The following FAM171A1 variants were observed in gnomAD, a reference collection of about 807,000 sequenced individuals.
The protein encoded by FAM171A1 is family with sequence similarity 171 member A1, also known as protein FAM171A1.
In FAM171A1, 23 loss-of-function variants were observed where a neutral mutation model predicts 74.9. The ratio of observed to expected loss-of-function variants is 0.31; its 90% CI spans 0.22 to 0.44. FAM171A1 has a LOEUF of 0.44. Ranked by LOEUF, FAM171A1 falls within the 20% of genes least tolerant of loss-of-function variation. FAM171A1 has a pLI of 1.00. For missense variants in FAM171A1, 1,162 were observed against 1,159.2 expected (o/e 1.00, Z -0.03); for synonymous variants, 527 against 505.7 (o/e 1.04, Z -0.57).
At chr10:15,325,667 A>C (rs1253869300) in intron 1 of FAM171A1, among the ~76,000 whole-genome samples, 1 of 152,138 alleles carries the variant, frequency 6.6e-6, no homozygotes, top group Non-Finnish European at 1.5e-5. Flanking sequence ...AGTAGAATCA[A>C]GCTTTGATAT....
intron 1 of FAM171A1, among the ~76,000 whole-genome samples, chr10:15,317,479 C>T (rs1353478012): frequency 6.6e-6 from 1 of 152,130 alleles, no homozygotes; most frequent in Non-Finnish European, 1.5e-5. Flanking sequence ...TCTACGACCT[C>T]CACTTCCCAG....
chr10:15,294,316 G>A (rs1413383269), intron 1 of FAM171A1, among the ~76,000 whole-genome samples: 6 of 152,022 alleles, frequency 3.9e-5, no homozygotes, highest in African/African-American at 1.2e-4. Flanking sequence ...TCCTTCCACC[G>A]TGCACCTTCC....
intron 5 of FAM171A1, among the ~76,000 whole-genome samples, chr10:15,225,895 C>T (rs1185656722): frequency 6.6e-6 from 1 of 152,146 alleles, no homozygotes; most frequent in East Asian, 1.9e-4. Flanking sequence ...GCCCAGAGGG[C>T]TCTCCTTCTT....
At chr10:15,362,339 T>C (rs1836004349) in intron 1 of FAM171A1, among the ~76,000 whole-genome samples, 2 of 152,254 alleles carry the variant, frequency 1.3e-5, no homozygotes, top group African/African-American at 4.8e-5. Flanking sequence ...TCCTGAGTGA[T>C]GGAATACACA....
chr10:15,340,576 G>T (rs1471440985), intron 1 of FAM171A1, among the ~76,000 whole-genome samples: 1 of 152,142 alleles, frequency 6.6e-6, no homozygotes, highest in Non-Finnish European at 1.5e-5. Flanking sequence ...TGGATCCCAT[G>T]TGTGACACCT....
chr10:15,249,102 T>TC (rs1002977657), intron 4 of FAM171A1, among the ~76,000 whole-genome samples: 4 of 146,332 alleles, frequency 2.7e-5, no homozygotes, highest in African/African-American at 5.2e-5. Context: ...TTTTTTCTTT[T>TC]TTTTTTTTTT....
chr10:15,226,417 C>T (rs1357073265), intron 5 of FAM171A1, among the ~76,000 whole-genome samples: 2 of 152,126 alleles, frequency 1.3e-5, no homozygotes, highest in Non-Finnish European at 1.5e-5. Flanking sequence ...AGCATTTGAA[C>T]CCCCTCTTTA....
chr10:15,343,833 C>T (rs887622451), intron 1 of FAM171A1, among the ~76,000 whole-genome samples: 2 of 151,978 alleles, frequency 1.3e-5, no homozygotes, highest in African/African-American at 4.8e-5. Context: ...AAAATGCTCC[C>T]AGGTAATGAT....
chr10:15,274,666 T>G (rs932784721), intron 3 of FAM171A1, among the ~76,000 whole-genome samples: 1 of 152,178 alleles, frequency 6.6e-6, no homozygotes, highest in Non-Finnish European at 1.5e-5. Context: ...CAAAACAGCA[T>G]GGTACTGGTA....
intron 5 of FAM171A1, among the ~76,000 whole-genome samples, chr10:15,221,818 A>G (rs1398876281): frequency 6.6e-6 from 1 of 152,080 alleles, no homozygotes; most frequent in Non-Finnish European, 1.5e-5. Context: ...GCAGAGTGGG[A>G]ATAGAACCTG....
At chr10:15,224,584 G>A (rs1181586010) in intron 5 of FAM171A1, among the ~76,000 whole-genome samples, 2 of 152,094 alleles carry the variant, frequency 1.3e-5, no homozygotes, top group East Asian at 3.9e-4. Context: ...ACTGAATCAT[G>A]GCGGCAGGTC....
chr10:15,354,683 A>G (rs752063694), intron 1 of FAM171A1, among the ~76,000 whole-genome samples: 7 of 152,344 alleles, frequency 4.6e-5, no homozygotes, highest in South Asian at 4.1e-4. Context: ...CTGACCCAGC[A>G]CCGTGGGCCT....
At chr10:15,255,834 G>A (rs1420719310) in intron 3 of FAM171A1, among the ~76,000 whole-genome samples, 1 of 151,952 alleles carries the variant, frequency 6.6e-6, no homozygotes, top group Non-Finnish European at 1.5e-5. Flanking sequence ...TTTTAGTAGA[G>A]GCAGGGTTTC....
intron 2 of FAM171A1, among the ~76,000 whole-genome samples, chr10:15,279,792 C>T (rs1027347002): frequency 6.6e-6 from 1 of 152,138 alleles, no homozygotes; most frequent in African/African-American, 2.4e-5. Context: ...GTGGCGTGCA[C>T]CTGCAGTTCC....
chr10:15,290,938 C>A (rs1835095364), intron 1 of FAM171A1, among the ~76,000 whole-genome samples: 1 of 152,158 alleles, frequency 6.6e-6, no homozygotes, highest in African/African-American at 2.4e-5. Flanking sequence ...ACAGGCTTGA[C>A]CTCCCAGGCT....
chr10:15,371,349 T>C (rs1836146714), upstream of FAM171A1, among the ~76,000 whole-genome samples: 2 of 144,974 alleles, frequency 1.4e-5, no homozygotes, highest in African/African-American at 4.9e-5. Context: ...CCCGGGCCCG[T>C]GGTGCCACCT....
chr10:15,246,147 T>C (rs1400119882), intron 5 of FAM171A1, among the ~76,000 whole-genome samples: 2 of 151,842 alleles, frequency 1.3e-5, no homozygotes, highest in Non-Finnish European at 2.9e-5. Flanking sequence ...TACTGCAGGA[T>C]ATGTGAACAG....
chr10:15,224,498 G>A (rs1053225826), intron 5 of FAM171A1, among the ~76,000 whole-genome samples: 1 of 152,152 alleles, frequency 6.6e-6, no homozygotes, highest in African/African-American at 2.4e-5. Flanking sequence ...GTTTGGCTAT[G>A]TCCCCACCCA....
chr10:15,353,743 C>G (rs1835903404), intron 1 of FAM171A1, among the ~76,000 whole-genome samples: 1 of 152,060 alleles, frequency 6.6e-6, no homozygotes, highest in African/African-American at 2.4e-5. Flanking sequence ...CCAGGTGCCA[C>G]TGTTCTCTAC....
Sources: gnomAD v4.1 joint callset for allele counts (sites outside exome capture counted in the v4.1 genomes callset) on GRCh38, gnomAD v4.1.1 for gene constraint, MANE v1.5 for transcripts, NCBI Gene and HGNC (gene_info 2026-07-23, HGNC 2026-07-21) for gene names.